ANO2: variants seen among roughly 807,000 people sequenced by gnomAD.
The protein encoded by ANO2 is anoctamin 2, also known as anoctamin-2.
In ANO2, 101 loss-of-function variants were observed where a neutral mutation model predicts 124.2. That is an observed-to-expected ratio of 0.81 (90% CI 0.69 to 0.96). The LOEUF is 0.96. Ranked by LOEUF, ANO2 falls within the 40% of genes least tolerant of loss-of-function variation. ANO2 has a pLI of 0.00. For missense variants in ANO2, 1,293 were observed against 1,274.5 expected (o/e 1.01, Z -0.22); for synonymous variants, 486 against 482.5 (o/e 1.01, Z -0.09).
At chr12:5,598,946 C>G (rs1943796039) in intron 20 of ANO2, among the ~76,000 whole-genome samples, 1 of 132,662 alleles carries the variant, frequency 7.5e-6, no homozygotes, top group African/African-American at 2.8e-5. Context: ...ACACCTCTCA[C>G]TCCCTACCGA....
intron 4 of ANO2, among the ~76,000 whole-genome samples, chr12:5,852,351 C>G (rs1321026777): frequency 6.6e-6 from 1 of 152,176 alleles, no homozygotes; most frequent in East Asian, 1.9e-4. Context: ...GAAACTAAGA[C>G]ACTTCAGGCA....
chr12:5,708,948 T>C (rs1259006787), intron 14 of ANO2, among the ~76,000 whole-genome samples: 1 of 152,214 alleles, frequency 6.6e-6, no homozygotes, highest in Non-Finnish European at 1.5e-5. Context: ...TTAATGCCAG[T>C]CTTTCCCATG....
At chr12:5,940,049 T>C (rs1162795498) in intron 1 of ANO2, among the ~76,000 whole-genome samples, 1 of 152,172 alleles carries the variant, frequency 6.6e-6, no homozygotes, top group African/African-American at 2.4e-5. Context: ...GCTTATTAAA[T>C]GGTTTTTAAA....
At chr12:5,651,369 T>A (rs1946906700) in intron 14 of ANO2, among the ~76,000 whole-genome samples, 1 of 152,178 alleles carries the variant, frequency 6.6e-6, no homozygotes, top group Non-Finnish European at 1.5e-5. Flanking sequence ...TGAAGAATAA[T>A]TTTGTAAAGT....
intron 1 of ANO2, among the ~76,000 whole-genome samples, chr12:5,930,517 A>G (rs1445969231): frequency 6.6e-6 from 1 of 152,220 alleles, no homozygotes; most frequent in Non-Finnish European, 1.5e-5. Flanking sequence ...CTTCATCCTA[A>G]GAAGAGTAGG....
chr12:5,723,252 T>G (rs1183399330), intron 14 of ANO2, among the ~76,000 whole-genome samples: 1 of 152,172 alleles, frequency 6.6e-6, no homozygotes, highest in Non-Finnish European at 1.5e-5. Flanking sequence ...TGCGGTGTGA[T>G]GTGGTGGCCG....
intron 20 of ANO2, 116 bp downstream of exon 20, chr12:5,599,368 T>C (rs1044369437): frequency 3.5e-5 from 44 of 1,265,942 alleles, no homozygotes; most frequent in Non-Finnish European, 4.8e-5. Flanking sequence ...ATGAAGCTCA[T>C]GAAGAAGCAG....
chr12:5,814,523 T>C (rs181041346), intron 7 of ANO2, among the ~76,000 whole-genome samples: 10 of 151,114 alleles, frequency 6.6e-5, no homozygotes, highest in African/African-American at 2.4e-4. Context: ...CATTTTCATC[T>C]CCTTTATTTG....
chr12:5,909,170 C>A (rs182521868), intron 3 of ANO2, among the ~76,000 whole-genome samples: 1 of 152,244 alleles, frequency 6.6e-6, no homozygotes, highest in African/African-American at 2.4e-5. Flanking sequence ...ACCCACAACC[C>A]AAACTAAGCC....
chr12:5,788,810 C>T (rs913750138), intron 10 of ANO2, among the ~76,000 whole-genome samples: 4 of 152,162 alleles, frequency 2.6e-5, no homozygotes, highest in African/African-American at 4.8e-5. Flanking sequence ...CCGCCCACCT[C>T]GGCCTCTCAA....
intron 23 of ANO2, among the ~76,000 whole-genome samples, chr12:5,573,628 G>C (rs1942247307): frequency 1.3e-5 from 2 of 152,194 alleles, no homozygotes; most frequent in Non-Finnish European, 2.9e-5. Context: ...GGGGCCCCCA[G>C]GCAGTGCATA....
Position 5,811,985 on chromosome 12 carries a change from C to T in ANO2, c.893-4617G>A, listed in dbSNP as rs182281128. ...AACCATACCTTTTCAAGGTCAACTC[C>T]TCCTGCTTTGCCATTTTATACTAAT... On this transcript the variant is annotated intron_variant, in intron 7 of 24. Transcript: ENST00000682330. Among the ~76,000 whole-genome samples the T allele has an allele frequency of 1.3e-4, 20 of 151,736 alleles. No homozygotes were observed. In the East Asian group the frequency reaches 3.7e-3, roughly 28 times the overall value.
chr12:5,870,019 T>C (rs1463061844), intron 3 of ANO2, among the ~76,000 whole-genome samples: 1 of 152,126 alleles, frequency 6.6e-6, no homozygotes, highest in Admixed American at 6.5e-5. Flanking sequence ...ACTGTCACTC[T>C]CACTAAACGT....
At chr12:5,784,522 T>C (rs774609562) in intron 10 of ANO2, among the ~76,000 whole-genome samples, 1 of 152,220 alleles carries the variant, frequency 6.6e-6, no homozygotes, top group Non-Finnish European at 1.5e-5. Flanking sequence ...CTTCCTGCAC[T>C]GGAGGGGCCA....
intron 1 of ANO2, among the ~76,000 whole-genome samples, chr12:5,941,114 G>T (rs1006936748): frequency 1.3e-5 from 2 of 152,192 alleles, no homozygotes; most frequent in African/African-American, 4.8e-5. Context: ...GAGGAAAAAT[G>T]AGCAACTGCC....
chr12:5,685,700 C>G (rs966455150), intron 14 of ANO2, among the ~76,000 whole-genome samples: 1 of 152,142 alleles, frequency 6.6e-6, no homozygotes, highest in Non-Finnish European at 1.5e-5. Context: ...TCACTTGAGT[C>G]TAGGAGGTTG....
intron 12 of ANO2, among the ~76,000 whole-genome samples, chr12:5,742,015 T>C (rs1951110751): frequency 2.0e-5 from 3 of 152,128 alleles, no homozygotes; most frequent in Non-Finnish European, 4.4e-5. Flanking sequence ...CCCTTTTCAG[T>C]AGGACTTCAC....
At chr12:5,744,057 G>A (rs1251213977) in intron 12 of ANO2, 100 bp downstream of exon 12, 8 of 1,424,420 alleles carry the variant, frequency 5.6e-6, no homozygotes, top group Middle Eastern at 4.7e-4. Flanking sequence ...AAGAAAAAAT[G>A]CGAAAGTAAG....
intron 14 of ANO2, among the ~76,000 whole-genome samples, chr12:5,720,969 G>T (rs1950210844): frequency 6.6e-6 from 1 of 152,206 alleles, no homozygotes; most frequent in Non-Finnish European, 1.5e-5. Context: ...GCCACCCGAG[G>T]AGTCTACTTG....
Sources: gnomAD v4.1 joint callset for allele counts (sites outside exome capture counted in the v4.1 genomes callset) on GRCh38, gnomAD v4.1.1 for gene constraint, MANE v1.5 for transcripts, NCBI Gene and HGNC (gene_info 2026-07-23, HGNC 2026-07-21) for gene names.